SMAD3: variants seen among roughly 807,000 people sequenced by gnomAD.
SMAD3 encodes the protein SMAD family member 3.
A neutral mutation model predicts 51.8 loss-of-function variants in SMAD3; 12 were observed. The observed-to-expected ratio is 0.23, with a 90% CI of 0.15 to 0.38. The LOEUF (loss-of-function observed/expected upper bound fraction) is 0.38. Ranked by LOEUF, SMAD3 falls within the 10% of genes least tolerant of loss-of-function variation. SMAD3 has a pLI of 1.00. For synonymous variants in SMAD3, 238 were observed against 227.7 expected, an observed-to-expected ratio of 1.05 and a Z score of -0.41; for missense variants, 294 against 565.6, an observed-to-expected ratio of 0.52 and a Z score of 4.87.
At chr15:67,098,748 G>A in intron 1 of SMAD3, 1 of 629,998 alleles carries the variant, frequency 1.6e-6, no homozygotes, top group Non-Finnish European at 2.9e-6. Flanking sequence ...TGGTTGTGGA[G>A]GCCTCCACAG....
intron 1 of SMAD3, among the ~76,000 whole-genome samples, chr15:67,078,482 A>G (rs1185932492): frequency 6.6e-6 from 1 of 152,246 alleles, no homozygotes; most frequent in Non-Finnish European, 1.5e-5. Flanking sequence ...AGCAGGATGT[A>G]TGTTTATTGA....
chr15:67,125,120 C>G (rs569301412), intron 1 of SMAD3, among the ~76,000 whole-genome samples: 1 of 152,196 alleles, frequency 6.6e-6, no homozygotes. Context: ...TGAATGGCTA[C>G]AGGCCCTGGT....
rs565910265 is a variant in SMAD3, at chr15:67,171,326, T to C, written c.658+722T>C. 2.4e-4 allele frequency among the ~76,000 whole-genome samples: 36 copies of C among 152,312 alleles called. No individual in the cohort carries two copies. The South Asian group carries it at 6.8e-3, about 29-fold the overall frequency. On this transcript the variant is annotated intron_variant, in intron 5 of 8. Transcript: ENST00000327367. ...CCATTGTTTCCGCAACATCCCTCCA[T>C]GGTTAGACTGCTGGGTCAGTTTTTC...
intron 1 of SMAD3, among the ~76,000 whole-genome samples, chr15:67,139,408 AC>A (rs1961758174): frequency 6.6e-6 from 1 of 151,776 alleles, no homozygotes; most frequent in African/African-American, 2.4e-5. Context: ...AGCATTCTCT[AC>A]CCCTCCTCCC....
chr15:67,130,247 A>G (rs1724645308), intron 1 of SMAD3, among the ~76,000 whole-genome samples: 1 of 152,212 alleles, frequency 6.6e-6, no homozygotes, highest in African/African-American at 2.4e-5. Context: ...ACGTAGTCCC[A>G]GGTAGAGTTA....
At chr15:67,078,070 T>A (rs184141370) in intron 1 of SMAD3, 1 of 152,246 alleles carries the variant, frequency 6.6e-6, no homozygotes, top group Non-Finnish European at 1.5e-5. Flanking sequence ...TACAGTACCA[T>A]GTGGACAGCT....
intron 1 of SMAD3, among the ~76,000 whole-genome samples, chr15:67,097,111 G>C (rs889821968): frequency 6.6e-6 from 1 of 152,192 alleles, no homozygotes; most frequent in African/African-American, 2.4e-5. Context: ...TCAGTCTTTT[G>C]GTTGCAGTGT....
intron 1 of SMAD3, among the ~76,000 whole-genome samples, chr15:67,127,566 TA>T (rs1263306293): frequency 6.6e-6 from 1 of 152,212 alleles, no homozygotes; most frequent in Non-Finnish European, 1.5e-5. Context: ...TTGTGCATAT[TA>T]ATACTCACCT....
chr15:67,080,949 C>T (rs996136561), intron 1 of SMAD3, among the ~76,000 whole-genome samples: 1 of 152,206 alleles, frequency 6.6e-6, no homozygotes, highest in African/African-American at 2.4e-5. Flanking sequence ...TGAGTTCTCT[C>T]AACTCTCCAA....
At chr15:67,152,350 G>A (rs559708504) in intron 1 of SMAD3, among the ~76,000 whole-genome samples, 1 of 83,612 alleles carries the variant, frequency 1.2e-5, no homozygotes, top group South Asian at 3.9e-4. Flanking sequence ...ATTCCCCAAA[G>A]TAGTTTGGAA....
In SMAD3 at chr15:67,165,010, C is replaced by A. The variant is rs1595941782; in HGVS notation, c.322C>A (p.Leu108Met). 3 of 1,614,196 alleles carry A rather than the reference C, an allele frequency of 1.9e-6. No individual in the cohort carries two copies. The highest frequency in any genetic ancestry group is 3.3e-4 in the Middle Eastern group (2 of 6,040). ...CCACCACGAGCTACGGGCCATGGAGCTGTGTGAGTTCGCCTTCAATATGAA... is the reference window on the plus strand; with the variant it reads ...CCACCACGAGCTACGGGCCATGGAGATGTGTGAGTTCGCCTTCAATATGAA... ...HSHHELRAME[L>M]CEFAFNMKKD... The change falls in exon 2 of 9, where the codon CTG becomes ATG. Residue 108 changes from leucine (L) to methionine (M), a missense_variant. Transcript: ENST00000327367.
intron 5 of SMAD3, among the ~76,000 whole-genome samples, chr15:67,173,847 A>G (rs1054410206): frequency 2.0e-5 from 3 of 152,202 alleles, no homozygotes; most frequent in Admixed American, 2.0e-4. Flanking sequence ...AGAGGGAATC[A>G]TGGGCCTGAA....
At chr15:67,185,045 C>G (rs1463204561) in intron 7 of SMAD3, among the ~76,000 whole-genome samples, 181 bp downstream of exon 7, 3 of 152,226 alleles carry the variant, frequency 2.0e-5, no homozygotes, top group Non-Finnish European at 2.9e-5. Flanking sequence ...CCCTGAACTT[C>G]CAGGGAGCAG....
intron 1 of SMAD3, among the ~76,000 whole-genome samples, chr15:67,096,029 G>A (rs983257416): frequency 4.6e-5 from 7 of 152,176 alleles, no homozygotes; most frequent in African/African-American, 1.4e-4. Flanking sequence ...TCACATCTGC[G>A]ACTGAGTAGC....
intron 3 of SMAD3, 94 bp from the exon 4 acceptor site, chr15:67,166,685 C>A (rs1298278617): frequency 1.2e-6 from 1 of 813,788 alleles, no homozygotes; most frequent in Non-Finnish European, 2.1e-6. Flanking sequence ...CGGATGCTAG[C>A]ATCATGGTGT....
At chr15:67,157,209 A>G (rs1718178477) in intron 1 of SMAD3, among the ~76,000 whole-genome samples, 1 of 152,240 alleles carries the variant, frequency 6.6e-6, no homozygotes, top group African/African-American at 2.4e-5. Context: ...ATAGGTTTCA[A>G]CTGAAGTGTG....
chr15:67,107,153 TAA>T (rs36055978), intron 1 of SMAD3, among the ~76,000 whole-genome samples: 15 of 140,746 alleles, frequency 1.1e-4, no homozygotes, highest in East Asian at 2.1e-4. Context: ...CTGAGTGCAT[TAA>T]AAAAAAAAAA....
In SMAD3 at chr15:67,181,471, T is replaced by TGGCCCCCCCCCCCCCCCCCCCCC. The variant is rs1963055460; in HGVS notation, c.871+18_871+19insGGCCCCCCCCCCCCCCCCCCCCC. On this transcript the variant is annotated intron_variant, in intron 6 of 8. Transcript: ENST00000327367. ...ACACATCGGTATGGGGTGGCTCCAT[T>TGGCCCCCCCCCCCCCCCCCCCCC]CCCCGCCCCCCCACCCTGCCCCTGC... The TGGCCCCCCCCCCCCCCCCCCCCC allele has an allele frequency of 6.6e-7, 1 of 1,521,102 alleles. No individual in the cohort carries two copies. The highest frequency in any genetic ancestry group is 8.8e-7 in the Non-Finnish European group (1 of 1,132,018). 94.2% of individuals were successfully genotyped at this position (1,521,102 alleles called of 1,614,324 possible).
At chr15:67,079,442 G>A (rs998644141) in intron 1 of SMAD3, among the ~76,000 whole-genome samples, 1 of 152,100 alleles carries the variant, frequency 6.6e-6, no homozygotes, top group Non-Finnish European at 1.5e-5. Flanking sequence ...TGAGCTCGGG[G>A]CACATAGGCT....
Sources: allele counts gnomAD v4.1 joint callset (sites outside exome capture counted in the v4.1 genomes callset), GRCh38; gene constraint gnomAD v4.1.1; transcripts MANE v1.5; gene names NCBI Gene and HGNC (gene_info 2026-07-23, HGNC 2026-07-21).